Variants in CDH9 observed in about 807,000 individuals in gnomAD.
CDH9 encodes cadherin 9, also known as cadherin-9.
A neutral mutation model predicts 70.9 loss-of-function variants in CDH9; 28 were observed. The ratio of observed to expected loss-of-function variants is 0.40; its 90% CI spans 0.29 to 0.54. The LOEUF is 0.54. Ranked by LOEUF, CDH9 falls within the 20% of genes least tolerant of loss-of-function variation. The pLI is 0.59. For synonymous variants in CDH9, 409 were observed against 343.1 expected, an observed-to-expected ratio of 1.19 and a Z score of -2.12; for missense variants, 874 against 984.4, an observed-to-expected ratio of 0.89 and a Z score of 1.50.
chr5:26,921,340 A>G (rs904658472), intron 2 of CDH9, among the ~76,000 whole-genome samples: 1 of 152,150 alleles, frequency 6.6e-6, no homozygotes, highest in Non-Finnish European at 1.5e-5. Flanking sequence ...CCTAAGAGAT[A>G]CCAAGGCACG....
chr5:27,009,013 C>A (rs1005179424), intron 1 of CDH9, among the ~76,000 whole-genome samples: 4 of 152,220 alleles, frequency 2.6e-5, no homozygotes, highest in African/African-American at 9.6e-5. Context: ...AACCATCTTA[C>A]CACTCACTTA....
intron 2 of CDH9, among the ~76,000 whole-genome samples, chr5:26,983,424 A>C (rs1025060456): frequency 2.0e-5 from 3 of 152,232 alleles, no homozygotes; most frequent in Non-Finnish European, 2.9e-5. Flanking sequence ...AATAAAGTCA[A>C]GGAAAAGATA....
chr5:26,905,870 A>G (rs1396329188), intron 5 of CDH9, 89 bp downstream of exon 5: 71 of 966,754 alleles, frequency 7.3e-5, no homozygotes, highest in Non-Finnish European at 1.1e-4. Context: ...ACCAATAGCA[A>G]AACTACTAGT....
chr5:26,966,579 G>A (rs1355193742), intron 2 of CDH9, among the ~76,000 whole-genome samples: 1 of 151,990 alleles, frequency 6.6e-6, no homozygotes, highest in African/African-American at 2.4e-5. Context: ...CTTTCTTCAA[G>A]TTTTCTTCTA....
intron 1 of CDH9, among the ~76,000 whole-genome samples, chr5:27,010,875 T>C (rs775955036): frequency 1.6e-4 from 24 of 152,270 alleles, no homozygotes; most frequent in Non-Finnish European, 2.5e-4. Flanking sequence ...TGTTTATTCT[T>C]GTTTATGCTA....
intron 1 of CDH9, among the ~76,000 whole-genome samples, chr5:27,030,650 T>C (rs1056508917): frequency 6.6e-6 from 1 of 151,794 alleles, no homozygotes; most frequent in African/African-American, 2.4e-5. Flanking sequence ...CAGCATAGAT[T>C]TATGCTCAAT....
At chr5:27,029,043 A>G (rs1743267127) in intron 1 of CDH9, among the ~76,000 whole-genome samples, 2 of 152,198 alleles carry the variant, frequency 1.3e-5, no homozygotes, top group South Asian at 4.1e-4. Context: ...GGAAAGGCCA[A>G]TGTAAGATAT....
At chr5:27,009,076 G>A (rs1365367845) in intron 1 of CDH9, among the ~76,000 whole-genome samples, 1 of 152,064 alleles carries the variant, frequency 6.6e-6, no homozygotes, top group Non-Finnish European at 1.5e-5. Context: ...CTCACCCCAA[G>A]GTTACCAAAT....
Position 26,988,224 on chromosome 5 carries a change from A to T in CDH9, c.110T>A (p.Ile37Lys). The T allele has an allele frequency of 6.2e-7, 1 of 1,613,456 alleles. No homozygotes were observed. Among genetic ancestry groups the T allele is most frequent in the Non-Finnish European group, 8.5e-7 (1 of 1,179,582 alleles). Reference sequence around the variant, plus strand: ...ACCGTCATCTTTTGTCAGACCCGCTATCTTTTTGCTTGATAAATAACTGTT... The same window carrying T: ...ACCGTCATCTTTTGTCAGACCCGCTTTCTTTTTGCTTGATAAATAACTGTT... ...KPNSYLSSKK[I>K]AGLTKDDGKM... Residue 37 changes from isoleucine (I) to lysine (K), a missense_variant, in exon 2 of 12, where the codon ATA becomes AAA. Coordinates refer to ENST00000231021, the MANE Select transcript of CDH9 (RefSeq NM_016279.4).
At chr5:26,902,971 C>T (rs1026565625) in intron 6 of CDH9, 5 of 362,006 alleles carry the variant, frequency 1.4e-5, no homozygotes, top group African/African-American at 2.1e-5. Context: ...TAGTAATATG[C>T]TTCATTTTTT....
rs549186178 is a variant in CDH9, at chr5:26,936,515, T to A, written c.229-20591A>T. On this transcript the variant is annotated intron_variant, in intron 2 of 11. Coordinates refer to ENST00000231021, the MANE Select transcript of CDH9 (RefSeq NM_016279.4). The stretch of plus-strand genomic sequence containing the variant: ...AACTTGATCTATGGATTCAATGCAA[T>A]TCCACTCAAAGTTAAAGCAAAGGTA... 3.3e-5 allele frequency among the ~76,000 whole-genome samples: 5 copies of A among 152,242 alleles called. No homozygotes were observed. The South Asian group carries it at 8.3e-4, about 25-fold the overall frequency.
At chr5:26,924,514 A>C (rs2112016017) in intron 2 of CDH9, among the ~76,000 whole-genome samples, 1 of 148,422 alleles carries the variant, frequency 6.7e-6, no homozygotes, top group East Asian at 2.2e-4. Context: ...AAAATAGAGG[A>C]GGAAATATAT....
At chr5:26,889,522 G>T (rs1010092586) in intron 9 of CDH9, among the ~76,000 whole-genome samples, 2 of 151,990 alleles carry the variant, frequency 1.3e-5, no homozygotes, top group Non-Finnish European at 2.9e-5. Flanking sequence ...TTCTATTAGT[G>T]AAGATAACTC....
intron 11 of CDH9, among the ~76,000 whole-genome samples, chr5:26,884,643 C>T (rs967597219): frequency 6.6e-6 from 1 of 152,120 alleles, no homozygotes; most frequent in African/African-American, 2.4e-5. Flanking sequence ...TTTCATCAAT[C>T]CCCTACTGAA....
In CDH9 at chr5:26,962,471, T is replaced by C. The variant is rs139802083; in HGVS notation, c.228+25635A>G. On this transcript the variant is annotated intron_variant, in intron 2 of 11. Coordinates refer to ENST00000231021, the MANE Select transcript of CDH9 (RefSeq NM_016279.4). Reference sequence around the variant, plus strand: ...AAAGCATTCCTATTTCTCCACATCATCTCCAGCATCTGATGTTTCCTGACT... The same window carrying C: ...AAAGCATTCCTATTTCTCCACATCACCTCCAGCATCTGATGTTTCCTGACT... Among the ~76,000 whole-genome samples, 763 of 152,286 alleles carry C rather than the reference T, an allele frequency of 5.0e-3. 3 individuals are homozygous for C. The highest frequency in any genetic ancestry group is 0.014 in the Middle Eastern group (4 of 294).
intron 1 of CDH9, 121 bp from the exon 2 acceptor site, chr5:26,988,503 A>G (rs1286543770): frequency 2.6e-6 from 2 of 773,222 alleles, no homozygotes; most frequent in African/African-American, 3.6e-5. Context: ...TATATACATT[A>G]TATTTCTATA....
intron 1 of CDH9, among the ~76,000 whole-genome samples, chr5:27,018,660 G>T (rs1743086720): frequency 6.6e-6 from 1 of 151,770 alleles, no homozygotes; most frequent in South Asian, 2.1e-4. Context: ...TGGTACCTCT[G>T]GGATAATATT....
At chr5:26,895,810 G>T (rs953685107) in intron 7 of CDH9, among the ~76,000 whole-genome samples, 2 of 151,976 alleles carry the variant, frequency 1.3e-5, no homozygotes, top group African/African-American at 4.8e-5. Flanking sequence ...TCTCTGTGAT[G>T]CTTATCATAG....
chr5:26,945,550 G>T (rs7729568), intron 2 of CDH9, among the ~76,000 whole-genome samples: 125,409 of 152,034 alleles, frequency 0.82, 53,374 homozygotes, highest in East Asian at 0.99. Flanking sequence ...TAGTTCCAAT[G>T]TTTTATGTCA....
Sources: gnomAD v4.1 joint callset for allele counts (sites outside exome capture counted in the v4.1 genomes callset) on GRCh38, gnomAD v4.1.1 for gene constraint, MANE v1.5 for transcripts, NCBI Gene and HGNC (gene_info 2026-07-23, HGNC 2026-07-21) for gene names.